Variants in CELSR1 observed in about 807,000 individuals in gnomAD.
CELSR1 encodes the protein adhesion G protein-coupled receptor C1.
Under a neutral mutation model 249.1 loss-of-function variants are expected in CELSR1, and 110 were observed. The observed-to-expected ratio is 0.44, with a 90% confidence interval of 0.38 to 0.52. The LOEUF is 0.52. Ranked by LOEUF, CELSR1 falls within the 20% of genes least tolerant of loss-of-function variation. The probability of loss-of-function intolerance (pLI) is 0.00; values close to 1 mark genes in which losing one functional copy is unlikely to be tolerated. For missense variants in CELSR1, 4,109 were observed against 4,296.4 expected (o/e 0.96, Z 1.22); for synonymous variants, 2,113 against 1,900.0 (o/e 1.11, Z -2.92).
rs567465102 is a variant in CELSR1 at position 46,414,611 on chromosome 22, G to C, written c.4612-2852C>G. On this transcript the variant is annotated intron_variant, in intron 5 of 34. Transcript: ENST00000674500. ...CGTCCACTCTCCCGCCTCTCGGCGAGTGTGGGTTTAACGCGCAGGCTAACC... is the reference window on the plus strand; with the variant it reads ...CGTCCACTCTCCCGCCTCTCGGCGACTGTGGGTTTAACGCGCAGGCTAACC... 1.2e-4 allele frequency among the ~76,000 whole-genome samples: 17 copies of C among 147,546 alleles called. 1 individual carries two copies. Among genetic ancestry groups the C allele is most frequent in the Middle Eastern group, 7.4e-3 (2 of 270 alleles).
rs1245826723 is a variant in CELSR1 at position 46,512,976 on chromosome 22, A to C, written c.3544+20651T>G. 2.0e-5 allele frequency among the ~76,000 whole-genome samples: 3 copies of C among 152,066 alleles called. No homozygotes were observed. The highest frequency in any genetic ancestry group is 4.4e-5 in the Non-Finnish European group (3 of 68,006). On this transcript the variant is annotated intron_variant, in intron 1 of 34. Transcript: ENST00000674500. The surrounding 1 kb of genome is among the most constrained non-coding windows in gnomAD (Gnocchi z 5.2). ...CTGTGCTACTCACGCACTGCTGCTG[A>C]CCTCATCTGTCCAGTGTCAGGTGCT... is the stretch of plus-strand genomic sequence containing the variant.
At position 46,499,871 on chromosome 22, in the gene CELSR1, T is replaced by C. The variant is rs558815916; in HGVS notation, c.3544+33756A>G. 3.3e-5 allele frequency among the ~76,000 whole-genome samples: 5 copies of C among 152,108 alleles called. No homozygotes were observed. The East Asian group carries it at 7.7e-4, about 24-fold the overall frequency. On this transcript the variant is annotated intron_variant, in intron 1 of 34. Coordinates refer to ENST00000674500, the MANE Select transcript of CELSR1 (RefSeq NM_001378328.1). Reference sequence around the variant, plus strand: ...TGTCAGACATAAAACCCCTCCACCGTCTGCAAACCCCTCTCCTAAAAGCCA... The same window carrying C: ...TGTCAGACATAAAACCCCTCCACCGCCTGCAAACCCCTCTCCTAAAAGCCA...
intron 2 of CELSR1, among the ~76,000 whole-genome samples, chr22:46,462,249 A>G (rs983328112): frequency 3.9e-5 from 6 of 152,226 alleles, no homozygotes; most frequent in African/African-American, 1.2e-4. Context: ...GCGTGGGAAC[A>G]CCACGGGGCA....
At chr22:46,383,355 T>G (rs1040948778) in intron 20 of CELSR1, among the ~76,000 whole-genome samples, 26 of 152,254 alleles carry the variant, frequency 1.7e-4, no homozygotes, top group African/African-American at 6.0e-4. Context: ...GTAATTGTCA[T>G]GGATCTGTAA....
Position 46,448,861 on chromosome 22 carries a change from G to C in CELSR1, c.4184-9450C>G, listed in dbSNP as rs1450869299. Among the ~76,000 whole-genome samples, 2 of 152,150 alleles carry C rather than the reference G, an allele frequency of 1.3e-5. No homozygotes were observed. The highest frequency in any genetic ancestry group is 4.8e-5 in the African/African-American group (2 of 41,408). On this transcript the variant is annotated intron_variant, in intron 2 of 34. Coordinates refer to ENST00000674500, the MANE Select transcript of CELSR1 (RefSeq NM_001378328.1). The surrounding 1 kb of genome is among the most constrained non-coding windows in gnomAD (Gnocchi z 5.7). The stretch of plus-strand genomic sequence containing the variant: ...ACAGTCTTGAAGACACAACCCAACA[G>C]CGTGGCTCATGTGTCAGAAACTTCA...
chr22:46,379,036 A>C (rs1052849869), intron 22 of CELSR1, among the ~76,000 whole-genome samples: 1 of 152,190 alleles, frequency 6.6e-6, no homozygotes, highest in African/African-American at 2.4e-5. Context: ...CTGAAGTTCA[A>C]GTTCTACGTG....
intron 1 of CELSR1, among the ~76,000 whole-genome samples, chr22:46,529,941 A>G (rs2080775521): frequency 6.6e-6 from 1 of 152,160 alleles, no homozygotes; most frequent in Admixed American, 6.6e-5. Flanking sequence ...GCTTGAGGGG[A>G]TGGAGACCCC....
Position 46,530,968 on chromosome 22 carries a change from C to T in CELSR1, c.3544+2659G>A, listed in dbSNP as rs114548784. On this transcript the variant is annotated intron_variant, in intron 1 of 34. Coordinates refer to ENST00000674500, the MANE Select transcript of CELSR1 (RefSeq NM_001378328.1). ...ATGGCTGTAAATCCTGGGGAAGCAA[C>T]AACACTCCATTGAAAACAGTGGATG... 8.9e-3 allele frequency among the ~76,000 whole-genome samples: 1,353 copies of T among 152,328 alleles called. 23 individuals are homozygous for T. The highest frequency in any genetic ancestry group is 0.03 in the African/African-American group (1,259 of 41,578).
intron 29 of CELSR1, 38 bp from the exon 30 acceptor site, chr22:46,366,518 G>A (rs2078784305): frequency 1.4e-6 from 2 of 1,468,776 alleles, no homozygotes; most frequent in Admixed American, 2.0e-5. Context: ...GCCAAGTGGT[G>A]GCCACCACAT....
intron 1 of CELSR1, among the ~76,000 whole-genome samples, chr22:46,521,039 TAGTA>T (rs1387012442): frequency 1.3e-5 from 2 of 152,216 alleles, no homozygotes; most frequent in African/African-American, 2.4e-5. Flanking sequence ...ACCCACGTTG[TAGTA>T]AGTGTCAGAA....
At chr22:46,375,687 G>A (rs540875701) in intron 24 of CELSR1, among the ~76,000 whole-genome samples, 3 of 152,032 alleles carry the variant, frequency 2.0e-5, no homozygotes, top group African/African-American at 7.2e-5. Flanking sequence ...GGGATTACAG[G>A]TGCGTACCAC....
chr22:46,374,044 A>G lies in CELSR1; in HGVS notation c.7585-987T>C, dbSNP rs1183243720. 1.3e-5 allele frequency among the ~76,000 whole-genome samples: 2 copies of G among 152,256 alleles called. No individual in the cohort carries two copies. The highest frequency in any genetic ancestry group is 2.4e-5 in the African/African-American group (1 of 41,478). The stretch of plus-strand genomic sequence containing the variant: ...CCCGAGGTGGGGAGGGCCCCAAGTC[A>G]GCATCGCATCTGTCAGATACGGAAC... On this transcript the variant is annotated intron_variant, in intron 24 of 34. Coordinates refer to ENST00000674500, the MANE Select transcript of CELSR1 (RefSeq NM_001378328.1). The surrounding 1 kb of genome is among the most constrained non-coding windows in gnomAD (Gnocchi z 4.3).
intron 5 of CELSR1, among the ~76,000 whole-genome samples, chr22:46,422,789 A>G (rs1362986743): frequency 6.6e-6 from 1 of 150,764 alleles, no homozygotes; most frequent in Non-Finnish European, 1.5e-5. Context: ...AATGGCTCAT[A>G]GTCCCATGAC....
At position 46,432,994 on chromosome 22, in the gene CELSR1, G is replaced by A. The variant is rs573644666; in HGVS notation, c.4611+399C>T. Among the ~76,000 whole-genome samples, 3 of 151,848 alleles carry A rather than the reference G, an allele frequency of 2.0e-5. No homozygotes were observed. In the South Asian group the frequency reaches 6.2e-4, roughly 32 times the overall value. On this transcript the variant is annotated intron_variant, in intron 5 of 34. Coordinates refer to ENST00000674500, the MANE Select transcript of CELSR1 (RefSeq NM_001378328.1). Reference sequence around the variant, plus strand: ...TTAAAAAAAAATTCAGAGCACAAATGTCTCAAGACAGAAAATCTACCAGGG... The same window carrying A: ...TTAAAAAAAAATTCAGAGCACAAATATCTCAAGACAGAAAATCTACCAGGG...
chr22:46,386,011 C>T (rs892042650), intron 19 of CELSR1, among the ~76,000 whole-genome samples: 1 of 149,546 alleles, frequency 6.7e-6, no homozygotes, highest in African/African-American at 2.5e-5. Context: ...GCTCTGTCAC[C>T]CATGCTGGAG....
rs191801485 is a variant in CELSR1 at position 46,520,045 on chromosome 22, T to C, written c.3544+13582A>G. Among the ~76,000 whole-genome samples the C allele has an allele frequency of 1.7e-3, 261 of 151,984 alleles. 3 individuals carry two copies. In the South Asian group the frequency reaches 0.017, roughly 10 times the overall value. ...CGCTACCACATCCAGCTAATTTTTG[T>C]ATTTTTTTAGTAGAGATGGGGTTTC... On this transcript the variant is annotated intron_variant, in intron 1 of 34. Coordinates refer to ENST00000674500, the MANE Select transcript of CELSR1 (RefSeq NM_001378328.1).
Position 46,515,324 on chromosome 22 carries a change from C to T in CELSR1, c.3544+18303G>A, listed in dbSNP as rs1184840726. Among the ~76,000 whole-genome samples, 6 of 152,230 alleles carry T rather than the reference C, an allele frequency of 3.9e-5. No homozygotes were observed. The South Asian group carries it at 1.0e-3, about 26-fold the overall frequency. On this transcript the variant is annotated intron_variant, in intron 1 of 34. Transcript: ENST00000674500. ...CAGCACAGCTGGAACCACAGCCCAGCGGTCTCAGTGCGTATCACAAAGGCT... is the reference window on the plus strand; with the variant it reads ...CAGCACAGCTGGAACCACAGCCCAGTGGTCTCAGTGCGTATCACAAAGGCT...
chr22:46,456,310 G>A (rs1421276786), intron 2 of CELSR1, among the ~76,000 whole-genome samples: 3 of 152,338 alleles, frequency 2.0e-5, no homozygotes, highest in East Asian at 3.9e-4. Context: ...CAGGCTGGGA[G>A]GGATGAGTGC....
chr22:46,377,306 G>A (rs1020392275), intron 23 of CELSR1, 45 bp from the exon 24 acceptor site: 24 of 1,582,586 alleles, frequency 1.5e-5, no homozygotes, highest in Non-Finnish European at 1.9e-5. Context: ...TAAGGGCCGA[G>A]GCTCAGATCT....
Sources: gnomAD v4.1 joint callset for allele counts (sites outside exome capture counted in the v4.1 genomes callset) on GRCh38, gnomAD v4.1.1 for gene constraint, Gnocchi (gnomAD v3.1) non-coding constraint, MANE v1.5 for transcripts, NCBI Gene and HGNC (gene_info 2026-07-23, HGNC 2026-07-21) for gene names.